The following SLC25A21 variants were observed in gnomAD, a reference collection of about 807,000 sequenced individuals.
SLC25A21 encodes the protein mitochondrial 2-oxodicarboxylate carrier.
Under a neutral mutation model 43.8 loss-of-function variants are expected in SLC25A21, and 47 were observed. The observed-to-expected ratio is 1.07, with a 90% CI of 0.85 to 1.37. The LOEUF is 1.37. Among genes scored for constraint, SLC25A21 ranks in the 40% most tolerant of loss-of-function variants. SLC25A21 has a pLI of 0.00. For synonymous variants in SLC25A21, 131 were observed against 121.3 expected, an observed-to-expected ratio of 1.08 and a Z score of -0.52; for missense variants, 352 against 350.2, an observed-to-expected ratio of 1.00 and a Z score of -0.04.
intron 1 of SLC25A21, among the ~76,000 whole-genome samples, chr14:37,132,931 T>C (rs1329954177): frequency 6.6e-6 from 1 of 152,012 alleles, no homozygotes; most frequent in Non-Finnish European, 1.5e-5. Context: ...GGTTCCACCA[T>C]GATGCCTAGG....
At chr14:36,970,822 C>T (rs1873622108) in intron 1 of SLC25A21, among the ~76,000 whole-genome samples, 1 of 152,132 alleles carries the variant, frequency 6.6e-6, no homozygotes. Flanking sequence ...TTCTCCTGAA[C>T]TACAAGTAAA....
intron 1 of SLC25A21, among the ~76,000 whole-genome samples, chr14:37,046,679 C>T (rs1290537693): frequency 6.6e-6 from 1 of 152,152 alleles, no homozygotes; most frequent in Non-Finnish European, 1.5e-5. Flanking sequence ...TTCCATGAAG[C>T]AGATGTTGGA....
chr14:37,160,074 T>C (rs984184244), intron 1 of SLC25A21, among the ~76,000 whole-genome samples: 1 of 152,098 alleles, frequency 6.6e-6, no homozygotes, highest in Non-Finnish European at 1.5e-5. Flanking sequence ...ACAGATGTTG[T>C]TGAGGGTGCA....
At chr14:36,952,266 G>T (rs2138663207) in intron 1 of SLC25A21, 1 of 153,880 alleles carries the variant, frequency 6.5e-6, no homozygotes, top group African/African-American at 2.4e-5. Flanking sequence ...GAAAGAATCA[G>T]AGTAGAATAA....
At chr14:36,961,326 C>T (rs1959487575) in intron 1 of SLC25A21, among the ~76,000 whole-genome samples, 1 of 152,000 alleles carries the variant, frequency 6.6e-6, no homozygotes, top group Non-Finnish European at 1.5e-5. Context: ...ATTCTCCTGC[C>T]TCACCCTCCC....
chr14:36,756,502 G>C (rs1038957223), intron 3 of SLC25A21, among the ~76,000 whole-genome samples: 2 of 152,224 alleles, frequency 1.3e-5, no homozygotes, highest in African/African-American at 2.4e-5. Flanking sequence ...CTGTGGGAGA[G>C]GGTCTCACTC....
chr14:36,693,930 T>C (rs1351547577), intron 7 of SLC25A21, among the ~76,000 whole-genome samples: 1 of 152,210 alleles, frequency 6.6e-6, no homozygotes, highest in East Asian at 1.9e-4. Flanking sequence ...ATTATTATTA[T>C]ACTTTAAGTT....
At chr14:37,151,103 G>A (rs916615220) in intron 1 of SLC25A21, among the ~76,000 whole-genome samples, 21 of 151,922 alleles carry the variant, frequency 1.4e-4, no homozygotes, top group Non-Finnish European at 2.2e-4. Context: ...CAATTCTATC[G>A]AGTTCTATTG....
chr14:37,029,009 C>A (rs2138764933), intron 1 of SLC25A21, among the ~76,000 whole-genome samples: 1 of 152,276 alleles, frequency 6.6e-6, no homozygotes, highest in East Asian at 1.9e-4. Flanking sequence ...GCCAGCACAT[C>A]AGAATAACAG....
intron 1 of SLC25A21, among the ~76,000 whole-genome samples, chr14:36,954,466 T>G (rs892971435): frequency 3.3e-5 from 5 of 151,190 alleles, no homozygotes; most frequent in Non-Finnish European, 7.4e-5. Context: ...ATTATTTTCT[T>G]TATAAGGAAA....
chr14:36,980,827 C>T (rs144217999), intron 1 of SLC25A21, among the ~76,000 whole-genome samples: 15 of 152,278 alleles, frequency 9.9e-5, no homozygotes, highest in Non-Finnish European at 2.1e-4. Context: ...CAACAAAAGC[C>T]AAATTGACAA....
intron 2 of SLC25A21, among the ~76,000 whole-genome samples, chr14:36,825,623 C>T (rs939897461): frequency 1.3e-5 from 2 of 152,158 alleles, no homozygotes; most frequent in African/African-American, 2.4e-5. Flanking sequence ...AAAATGCTGA[C>T]TTTAGCTAGC....
At chr14:36,996,518 T>C (rs1056070592) in intron 1 of SLC25A21, among the ~76,000 whole-genome samples, 6 of 152,212 alleles carry the variant, frequency 3.9e-5, no homozygotes, top group African/African-American at 9.7e-5. Context: ...TAATGTGTTC[T>C]TGTGAGCAGA....
chr14:36,863,197 C>T (rs1265372989), intron 2 of SLC25A21, among the ~76,000 whole-genome samples: 1 of 152,126 alleles, frequency 6.6e-6, no homozygotes, highest in Non-Finnish European at 1.5e-5. Flanking sequence ...ATGAAGAATG[C>T]ATTGTCGCTC....
chr14:36,806,452 C>T (rs1005541305), intron 3 of SLC25A21, among the ~76,000 whole-genome samples: 3 of 152,100 alleles, frequency 2.0e-5, no homozygotes, highest in Non-Finnish European at 4.4e-5. Context: ...CATCACCATA[C>T]ATTGCATGTA....
chr14:37,022,915 A>G (rs1477135641), intron 1 of SLC25A21, among the ~76,000 whole-genome samples: 1 of 152,084 alleles, frequency 6.6e-6, no homozygotes, highest in Non-Finnish European at 1.5e-5. Flanking sequence ...TAAAAACAAT[A>G]GCATATAATT....
intron 7 of SLC25A21, among the ~76,000 whole-genome samples, chr14:36,686,864 G>A (rs1882576218): frequency 6.6e-6 from 1 of 152,208 alleles, no homozygotes; most frequent in Non-Finnish European, 1.5e-5. Flanking sequence ...TGGTCATTGT[G>A]CTTGAGACAT....
chr14:36,764,728 C>A (rs1329083390), intron 3 of SLC25A21, among the ~76,000 whole-genome samples: 1 of 151,996 alleles, frequency 6.6e-6, no homozygotes, highest in Non-Finnish European at 1.5e-5. Context: ...AGCCAGTGGC[C>A]CAATGTCAAG....
At chr14:36,849,360 C>G (rs568130372) in intron 2 of SLC25A21, among the ~76,000 whole-genome samples, 1 of 152,028 alleles carries the variant, frequency 6.6e-6, no homozygotes, top group South Asian at 2.1e-4. Flanking sequence ...ATGAATTACA[C>G]GTTTGTGAAA....
Sources: allele counts gnomAD v4.1 joint callset (sites outside exome capture counted in the v4.1 genomes callset), GRCh38; gene constraint gnomAD v4.1.1; transcripts MANE v1.5; gene names NCBI Gene and HGNC (gene_info 2026-07-23, HGNC 2026-07-21).